The following DYNC1LI1 variants were observed in gnomAD, a reference collection of about 807,000 sequenced individuals.
DYNC1LI1 encodes the protein dynein cytoplasmic 1 light intermediate chain 1, also known as cytoplasmic dynein 1 light intermediate chain 1.
In DYNC1LI1, 19 loss-of-function variants were observed where a neutral mutation model predicts 63.8. The observed-to-expected ratio is 0.30, with a 90% confidence interval of 0.21 to 0.44. The LOEUF (loss-of-function observed/expected upper bound fraction) is 0.44, where lower values mean the gene tolerates loss of function less well. Ranked by LOEUF, DYNC1LI1 falls within the 20% of genes least tolerant of loss-of-function variation. The pLI, the probability that DYNC1LI1 is intolerant of heterozygous loss-of-function variation, is 1.00. For synonymous variants in DYNC1LI1, 225 were observed against 232.3 expected (o/e 0.97, Z 0.28); for missense variants, 565 against 630.2 (o/e 0.90, Z 1.11).
intron 8 of DYNC1LI1, 112 bp downstream of exon 8, chr3:32,532,874 C>G (rs2125430512): frequency 7.3e-7 from 1 of 1,378,254 alleles, no homozygotes; most frequent in Middle Eastern, 2.7e-4. Context: ...ACTTAGAAAC[C>G]CTCCAGATGG....
chr3:32,549,003 T>C (rs1559440340), intron 2 of DYNC1LI1, among the ~76,000 whole-genome samples: 7 of 152,134 alleles, frequency 4.6e-5, no homozygotes, highest in Admixed American at 4.6e-4. Context: ...ATTCCCATAA[T>C]GATCATGTTT....
intron 2 of DYNC1LI1, among the ~76,000 whole-genome samples, chr3:32,554,444 G>T (rs760647459): frequency 9.2e-5 from 14 of 152,190 alleles, no homozygotes; most frequent in Admixed American, 1.3e-4. Flanking sequence ...TAACAAGTTA[G>T]AAATGGTCAC....
At chr3:32,548,228 T>C (rs1307800316) in intron 2 of DYNC1LI1, among the ~76,000 whole-genome samples, 2 of 152,086 alleles carry the variant, frequency 1.3e-5, no homozygotes, top group Non-Finnish European at 2.9e-5. Flanking sequence ...GCATTACCGC[T>C]GAGCTCCACC....
chr3:32,570,774 G>A lies in DYNC1LI1; in HGVS notation c.-4C>T. Reference sequence around the variant, plus strand: ...CGACTCGCCCCACGGCCGCCATCTTGGTCGGGAATCACACCACTCCCGGCA... The same window carrying A: ...CGACTCGCCCCACGGCCGCCATCTTAGTCGGGAATCACACCACTCCCGGCA... On this transcript the variant is annotated 5_prime_UTR_variant, in exon 1 of 13. Transcript: ENST00000273130. 1 of 1,600,156 alleles carries A rather than the reference G, an allele frequency of 6.2e-7. No individual in the cohort carries two copies. The highest frequency in any genetic ancestry group is 8.5e-7 in the Non-Finnish European group (1 of 1,173,218).
intron 2 of DYNC1LI1, among the ~76,000 whole-genome samples, chr3:32,549,975 C>A (rs1229718744): frequency 1.3e-5 from 2 of 152,090 alleles, no homozygotes; most frequent in Non-Finnish European, 1.5e-5. Context: ...GAATAGAAAT[C>A]ATATTATCTA....
chr3:32,534,953 G>A (rs1343318776), intron 6 of DYNC1LI1, among the ~76,000 whole-genome samples: 1 of 152,126 alleles, frequency 6.6e-6, no homozygotes, highest in Non-Finnish European at 1.5e-5. Context: ...GCACATGAAA[G>A]GACAATTTTT....
At chr3:32,528,732 CTA>C (rs766924153) in intron 11 of DYNC1LI1, 131 bp from the exon 12 acceptor site, 19 of 833,642 alleles carry the variant, frequency 2.3e-5, no homozygotes, top group Non-Finnish European at 3.3e-5. Context: ...AAATTCAAGT[CTA>C]GTTTGATCTT....
In DYNC1LI1 at chr3:32,541,125, T is replaced by A; in HGVS notation, c.650A>T (p.Glu217Val). The change falls in exon 5 of 13, where the codon GAA (glutamate) becomes GTA (valine). Residue 217 changes from glutamate to valine, a missense_variant. Physicochemically the swap from Glu to Val is moderately radical, Grantham distance 121. Transcript: ENST00000273130. Reference sequence around the variant, plus strand: ...TAAAACTACACTGTCATCTTTGTCTTCTTGTGACGCAGTATTTCTTCTCTG... The same window carrying A: ...TAAAACTACACTGTCATCTTTGTCTACTTGTGACGCAGTATTTCTTCTCTG... ...SPQRRNTASQ[E>V]DKDDSVVLPL... is the part of the protein sequence containing the mutation. 1.9e-6 allele frequency: 3 copies of A among 1,613,784 alleles called. No homozygotes were observed. The highest frequency in any genetic ancestry group is 2.5e-6 in the Non-Finnish European group (3 of 1,179,776).
chr3:32,563,391 A>G (rs1049782577), intron 2 of DYNC1LI1, among the ~76,000 whole-genome samples: 2 of 151,570 alleles, frequency 1.3e-5, no homozygotes, highest in African/African-American at 4.9e-5. Flanking sequence ...CCTGAGTTCA[A>G]GCAATTCTCC....
intron 2 of DYNC1LI1, among the ~76,000 whole-genome samples, chr3:32,559,740 T>C (rs913632694): frequency 6.6e-6 from 1 of 152,212 alleles, no homozygotes; most frequent in African/African-American, 2.4e-5. Context: ...GGAATTCTAA[T>C]GTGCTATATC....
intron 7 of DYNC1LI1, 33 bp from the exon 8 acceptor site, chr3:32,533,130 C>T: frequency 6.4e-7 from 1 of 1,574,116 alleles, no homozygotes; most frequent in South Asian, 1.2e-5. Context: ...AATTCTCAAG[C>T]ATTTATATAG....
At position 32,536,968 on chromosome 3, in the gene DYNC1LI1, GT is replaced by G. The variant is rs756901665; in HGVS notation, c.832+42del. ...TTTTAACTTTAAAAAACTAAAACAG[GT>G]AAAGTGATACACTGAATCAATAAAT... On this transcript the variant is annotated intron_variant, in intron 6 of 12. Coordinates refer to ENST00000273130, the MANE Select transcript of DYNC1LI1 (RefSeq NM_016141.4). 3.1e-5 allele frequency: 35 copies of G among 1,141,350 alleles called. No homozygotes were observed. In the African/African-American group the frequency reaches 4.9e-4, roughly 16 times the overall value. The allele number at this position is 1,141,350 out of a possible 1,614,324, so 70.7% of individuals were successfully genotyped here.
intron 4 of DYNC1LI1, among the ~76,000 whole-genome samples, chr3:32,542,821 T>C (rs559161412): frequency 1.2e-4 from 18 of 152,312 alleles, no homozygotes; most frequent in Admixed American, 1.0e-3. Flanking sequence ...GACTGACTCA[T>C]ATGGAGGAAA....
In DYNC1LI1 at chr3:32,570,389, G is replaced by A; in HGVS notation, c.177C>T (p.Arg59=). The A allele has an allele frequency of 2.5e-6, 4 of 1,606,774 alleles. No homozygotes were observed. Among genetic ancestry groups the A allele is most frequent in the Admixed American group, 3.4e-5 (2 of 59,440 alleles). The change falls in exon 2 of 13, where the codon CGC becomes CGT. Residue 59 remains arginine (R), a synonymous_variant. Coordinates refer to ENST00000273130, the MANE Select transcript of DYNC1LI1 (RefSeq NM_016141.4). ...TCCCCGCAGGGAGCTTGGAGCGCGA[G>A]CGGGTGGAGACCTCGCTGAGGATGC... ...WSCILSEVST[R]SRSKLPAGKN... is the part of the protein sequence containing the mutation.
intron 2 of DYNC1LI1, among the ~76,000 whole-genome samples, chr3:32,550,116 T>C (rs1575155730): frequency 6.6e-6 from 1 of 152,184 alleles, no homozygotes; most frequent in East Asian, 1.9e-4. Flanking sequence ...AGAACAGATT[T>C]TGAGCCTGAA....
At chr3:32,567,703 CTTTTT>C (rs749073673) in intron 2 of DYNC1LI1, among the ~76,000 whole-genome samples, 2 of 122,144 alleles carry the variant, frequency 1.6e-5, no homozygotes, top group East Asian at 2.2e-4. Context: ...CATACCCGGC[CTTTTT>C]TTTTTTTTTT....
At position 32,536,898 on chromosome 3, in the gene DYNC1LI1, A is replaced by G. The variant is rs1697781799; in HGVS notation, c.832+113T>C. On this transcript the variant is annotated intron_variant, in intron 6 of 12. Transcript: ENST00000273130. Reference sequence around the variant, plus strand: ...AAATGAAATTTCCAACCAGAGACAGAAGGAGAAATGTTTACAGAATTTCTC... The same window carrying G: ...AAATGAAATTTCCAACCAGAGACAGGAGGAGAAATGTTTACAGAATTTCTC... 13 of 590,474 alleles carry G rather than the reference A, an allele frequency of 2.2e-5. No homozygotes were observed. The South Asian group carries it at 3.0e-4, about 13-fold the overall frequency. 36.6% of individuals were successfully genotyped at this position (590,474 alleles called of 1,614,324 possible).
intron 5 of DYNC1LI1, 35 bp downstream of exon 5, chr3:32,541,002 A>G (rs1441680746): frequency 4.0e-6 from 6 of 1,516,230 alleles, no homozygotes; most frequent in Middle Eastern, 2.3e-4. Context: ...TCCTCAGTGA[A>G]TATCAGTTGC....
intron 12 of DYNC1LI1, among the ~76,000 whole-genome samples, chr3:32,528,012 TCAGGAGGCTGGGG>T (rs1387951068): frequency 7.0e-6 from 1 of 143,860 alleles, no homozygotes; most frequent in East Asian, 2.1e-4. Flanking sequence ...TCCCAGCTAC[TCAGGAGGCTGGGG>T]CAGGAGACTC....
Sources: allele counts gnomAD v4.1 joint callset (sites outside exome capture counted in the v4.1 genomes callset), GRCh38; gene constraint gnomAD v4.1.1; transcripts MANE v1.5; gene names NCBI Gene and HGNC (gene_info 2026-07-23, HGNC 2026-07-21).